KCNK10: variants seen among roughly 807,000 people sequenced by gnomAD.
The protein encoded by KCNK10 is potassium channel subfamily K member 10.
KCNK10 carries 25 observed loss-of-function variants against 47.7 expected under a neutral mutation model. The observed-to-expected ratio is 0.52, with a 90% CI of 0.38 to 0.73. KCNK10 has a LOEUF of 0.73. Among genes scored for constraint, KCNK10 ranks in the 30% least tolerant of loss-of-function variants. The pLI, the probability that KCNK10 is intolerant of heterozygous loss-of-function variation, is 0.00. For synonymous variants in KCNK10, 303 were observed against 285.6 expected (o/e 1.06, Z -0.61); for missense variants, 563 against 714.5 (o/e 0.79, Z 2.42).
chr14:88,236,049 C>T (rs964435820), intron 3 of KCNK10, among the ~76,000 whole-genome samples: 15 of 152,324 alleles, frequency 9.8e-5, no homozygotes, highest in Admixed American at 9.2e-4. Context: ...GGCGTGGTGG[C>T]TCACACATGT....
intron 4 of KCNK10, among the ~76,000 whole-genome samples, chr14:88,220,998 T>C (rs1885791177): frequency 6.6e-6 from 1 of 151,610 alleles, no homozygotes; most frequent in Non-Finnish European, 1.5e-5. Flanking sequence ...TAAAGGAATA[T>C]AATTCAAAAT....
intron 2 of KCNK10, 29 bp from the exon 3 acceptor site, chr14:88,240,849 T>C: frequency 7.7e-7 from 1 of 1,291,356 alleles, no homozygotes; most frequent in Non-Finnish European, 1.1e-6. Flanking sequence ...AGCATAAGAC[T>C]CAGTTTAAAA....
chr14:88,266,401 T>C (rs112064702), intron 1 of KCNK10, among the ~76,000 whole-genome samples: 5 of 152,298 alleles, frequency 3.3e-5, no homozygotes, highest in African/African-American at 1.2e-4. Context: ...CCATCCTCTT[T>C]AGTCTCAGCC....
rs569465205 is a variant in KCNK10 at position 88,252,457 on chromosome 14, C to T, written c.402+10745G>A. On this transcript the variant is annotated intron_variant, in intron 2 of 6. Transcript: ENST00000319231. ...AGCAAGTGAGTGACTCGGGTCTTGGCAGAAGGGCAGAGCCACAGCCTTGGG... is the reference window on the plus strand; with the variant it reads ...AGCAAGTGAGTGACTCGGGTCTTGGTAGAAGGGCAGAGCCACAGCCTTGGG... Among the ~76,000 whole-genome samples the T allele has an allele frequency of 2.0e-4, 30 of 152,224 alleles. 1 individual carries two copies. In the South Asian group the frequency reaches 5.2e-3, roughly 26 times the overall value.
intron 2 of KCNK10, among the ~76,000 whole-genome samples, chr14:88,241,746 C>T (rs2139891305): frequency 6.6e-6 from 1 of 152,314 alleles, no homozygotes; most frequent in Non-Finnish European, 1.5e-5. Flanking sequence ...TCAAGCCCTG[C>T]TTCTTCCAGG....
intron 2 of KCNK10, among the ~76,000 whole-genome samples, chr14:88,257,903 G>A (rs1409824736): frequency 6.6e-6 from 1 of 152,044 alleles, no homozygotes; most frequent in African/African-American, 2.4e-5. Context: ...ATTCTTTGTG[G>A]GAGGGGGGGT....
chr14:88,272,444 A>C (rs1011948252), intron 1 of KCNK10, among the ~76,000 whole-genome samples: 5 of 152,030 alleles, frequency 3.3e-5, no homozygotes, highest in African/African-American at 9.7e-5. Context: ...TGTCTGCGAG[A>C]GGGCAGAAGG....
intron 1 of KCNK10, among the ~76,000 whole-genome samples, chr14:88,291,729 G>A (rs1395789791): frequency 1.3e-5 from 2 of 152,168 alleles, no homozygotes; most frequent in African/African-American, 2.4e-5. Flanking sequence ...GCAATGAGAC[G>A]GCCCTGGGAA....
At chr14:88,268,123 A>T (rs1306732032) in intron 1 of KCNK10, among the ~76,000 whole-genome samples, 2 of 152,160 alleles carry the variant, frequency 1.3e-5, no homozygotes, top group African/African-American at 4.8e-5. Flanking sequence ...ACCCCTGGAA[A>T]AGGAAGGAAA....
intron 1 of KCNK10, among the ~76,000 whole-genome samples, chr14:88,290,349 G>A (rs147467377): frequency 6.6e-6 from 1 of 152,274 alleles, no homozygotes; most frequent in Non-Finnish European, 1.5e-5. Flanking sequence ...ACAGCCCTGT[G>A]GACACCTTGA....
At chr14:88,202,835 G>A (rs1215370438) in intron 4 of KCNK10, among the ~76,000 whole-genome samples, 2 of 152,334 alleles carry the variant, frequency 1.3e-5, no homozygotes, top group East Asian at 3.9e-4. Context: ...TGGAGGCCAA[G>A]AGGAAGAGAC....
intron 1 of KCNK10, among the ~76,000 whole-genome samples, chr14:88,309,499 G>A (rs1435324573): frequency 6.6e-6 from 1 of 152,212 alleles, no homozygotes; most frequent in South Asian, 2.1e-4. Flanking sequence ...CTACTCAGGA[G>A]GCTGAGGTGG....
intron 1 of KCNK10, among the ~76,000 whole-genome samples, chr14:88,318,112 C>A (rs188742964): frequency 6.6e-6 from 1 of 152,218 alleles, no homozygotes; most frequent in Admixed American, 6.5e-5. Context: ...CGAGCTGGAG[C>A]TTGCAAGGAA....
chr14:88,291,515 A>C (rs945121188), intron 1 of KCNK10, among the ~76,000 whole-genome samples: 1 of 152,244 alleles, frequency 6.6e-6, no homozygotes, highest in Non-Finnish European at 1.5e-5. Context: ...ATGAAGGAGC[A>C]GAAAGAGAAC....
At chr14:88,294,029 T>G (rs1325471807) in intron 1 of KCNK10, among the ~76,000 whole-genome samples, 1 of 152,170 alleles carries the variant, frequency 6.6e-6, no homozygotes, top group East Asian at 1.9e-4. Flanking sequence ...TCAGCATCCA[T>G]GACCATGCCA....
Position 88,227,483 on chromosome 14 carries a change from T to C in KCNK10, c.573A>G (p.Leu191=), listed in dbSNP as rs756614699. The C allele has an allele frequency of 1.2e-6, 2 of 1,613,552 alleles. No homozygotes were observed. The highest frequency in any genetic ancestry group is 8.5e-7 in the Non-Finnish European group (1 of 1,179,768). The stretch of plus-strand genomic sequence containing the variant: ...AGAGTGGAATTCCAAAGATGGCATA[T>C]AAAATACAAAAGATTTTGCCTCCTT... ...STEGGKIFCI[L]YAIFGIPLFG... is the part of the protein sequence containing the mutation. The change falls in exon 4 of 7, where the codon TTA becomes TTG. Residue 191 remains leucine (L), a synonymous_variant. Coordinates refer to ENST00000319231, the MANE Select transcript of KCNK10 (RefSeq NM_138317.3).
intron 3 of KCNK10, among the ~76,000 whole-genome samples, chr14:88,230,956 G>A (rs769759837): frequency 3.4e-4 from 51 of 152,146 alleles, no homozygotes; most frequent in Admixed American, 1.3e-4. Flanking sequence ...TAGCCATGGT[G>A]ATTGCTCTTT....
chr14:88,319,801 T>G (rs1888506737), intron 1 of KCNK10, among the ~76,000 whole-genome samples: 1 of 152,060 alleles, frequency 6.6e-6, no homozygotes, highest in South Asian at 2.1e-4. Context: ...ACTTGAAGAG[T>G]GTTTAAGAGC....
chr14:88,313,851 T>C (rs1341742656), intron 1 of KCNK10, among the ~76,000 whole-genome samples: 1 of 152,242 alleles, frequency 6.6e-6, no homozygotes, highest in Admixed American at 6.5e-5. Flanking sequence ...GCATGATGAC[T>C]CTCTAGGAAT....
Sources: gnomAD v4.1 joint callset for allele counts (sites outside exome capture counted in the v4.1 genomes callset) on GRCh38, gnomAD v4.1.1 for gene constraint, MANE v1.5 for transcripts, NCBI Gene and HGNC (gene_info 2026-07-23, HGNC 2026-07-21) for gene names.